The following ADK variants were observed in gnomAD, a reference collection of about 807,000 sequenced individuals.
The protein encoded by ADK is N6,N6-dimethyladenosine kinase.
Under a neutral mutation model 44.7 loss-of-function variants are expected in ADK, and 24 were observed. The ratio of observed to expected loss-of-function variants is 0.54; its 90% CI spans 0.39 to 0.76. ADK has a LOEUF of 0.76. Ranked by LOEUF, ADK falls within the 30% of genes least tolerant of loss-of-function variation. ADK has a pLI of 0.00. For missense variants in ADK, 321 were observed against 425.1 expected (o/e 0.76, Z 2.15); for synonymous variants, 128 against 142.6 (o/e 0.90, Z 0.73).
At chr10:74,353,419 C>G (rs1170088401) in intron 4 of ADK, among the ~76,000 whole-genome samples, 2 of 151,808 alleles carry the variant, frequency 1.3e-5, no homozygotes, top group Non-Finnish European at 2.9e-5. Context: ...GGGTAGGGGT[C>G]AAGGGGAGGG....
intron 10 of ADK, among the ~76,000 whole-genome samples, chr10:74,694,612 G>A (rs1856109463): frequency 6.6e-6 from 1 of 151,826 alleles, no homozygotes; most frequent in South Asian, 2.1e-4. Flanking sequence ...CTCCCGAGTA[G>A]CTAGGACTAA....
intron 5 of ADK, among the ~76,000 whole-genome samples, chr10:74,396,723 G>T (rs1049010164): frequency 3.0e-5 from 4 of 134,312 alleles, no homozygotes; most frequent in Non-Finnish European, 6.8e-5. Flanking sequence ...GGAGGCCGAG[G>T]CGGGTGGATC....
intron 6 of ADK, among the ~76,000 whole-genome samples, chr10:74,417,750 TA>T (rs796958998): frequency 0.011 from 1,525 of 141,386 alleles, 27 homozygotes; most frequent in African/African-American, 0.028. Context: ...AAATCTACTT[TA>T]AAAAAAAAAA....
intron 9 of ADK, among the ~76,000 whole-genome samples, chr10:74,650,103 G>GTAAATATTTA (rs1854205790): frequency 6.6e-6 from 1 of 152,128 alleles, no homozygotes; most frequent in African/African-American, 2.4e-5. Context: ...CTTATCAGAG[G>GTAAATATTTA]CCACTGTGGT....
chr10:74,694,700 T>G (rs1856113182), intron 10 of ADK, among the ~76,000 whole-genome samples: 1 of 152,166 alleles, frequency 6.6e-6, no homozygotes, highest in African/African-American at 2.4e-5. Context: ...AGGGTTGGTC[T>G]CAAACTCCTG....
intron 3 of ADK, among the ~76,000 whole-genome samples, chr10:74,234,953 A>G (rs534141866): frequency 2.3e-4 from 35 of 152,312 alleles, no homozygotes; most frequent in African/African-American, 8.4e-4. Context: ...AGTTTTAATA[A>G]CATATACAAA....
intron 4 of ADK, among the ~76,000 whole-genome samples, chr10:74,358,070 T>C (rs1271106308): frequency 1.3e-5 from 2 of 152,222 alleles, no homozygotes; most frequent in Non-Finnish European, 2.9e-5. Context: ...TTGATTGTCA[T>C]GCAAACTAAA....
At chr10:74,477,176 C>T (rs1589150393) in intron 6 of ADK, among the ~76,000 whole-genome samples, 1 of 152,052 alleles carries the variant, frequency 6.6e-6, no homozygotes, top group African/African-American at 2.4e-5. Flanking sequence ...AGATCTGTAA[C>T]TTCATGTAAC....
At chr10:74,508,867 T>A (rs968764053) in intron 6 of ADK, among the ~76,000 whole-genome samples, 3 of 152,232 alleles carry the variant, frequency 2.0e-5, no homozygotes, top group Non-Finnish European at 4.4e-5. Context: ...ACATAATATA[T>A]AAAAGGGTAA....
chr10:74,602,126 A>AG (rs1271417172), intron 9 of ADK, among the ~76,000 whole-genome samples: 1 of 150,800 alleles, frequency 6.6e-6, no homozygotes, highest in African/African-American at 2.4e-5. Context: ...AAAAAAAAAA[A>AG]AAAGAACGGA....
At chr10:74,440,705 T>C (rs1845375725) in intron 6 of ADK, among the ~76,000 whole-genome samples, 1 of 152,100 alleles carries the variant, frequency 6.6e-6, no homozygotes, top group South Asian at 2.1e-4. Flanking sequence ...GATTGGAAAA[T>C]TTGGAGTTTT....
intron 9 of ADK, among the ~76,000 whole-genome samples, chr10:74,605,425 C>T (rs979124788): frequency 6.6e-6 from 1 of 152,078 alleles, no homozygotes; most frequent in Non-Finnish European, 1.5e-5. Context: ...TCCATCAATA[C>T]CTAGTTTTTT....
chr10:74,241,779 AGCAGCCT>A (rs1845219024), intron 3 of ADK, among the ~76,000 whole-genome samples: 1 of 152,206 alleles, frequency 6.6e-6, no homozygotes, highest in African/African-American at 2.4e-5. Context: ...CATAGTTCAC[AGCAGCCT>A]GCAGCTCCTG....
chr10:74,513,485 A>G (rs1371357316), intron 6 of ADK, among the ~76,000 whole-genome samples: 5 of 152,324 alleles, frequency 3.3e-5, no homozygotes, highest in Middle Eastern at 3.4e-3. Context: ...ATAATTATAT[A>G]GTAGCCCTCT....
At chr10:74,566,829 G>GAT (rs1006350404) in intron 7 of ADK, among the ~76,000 whole-genome samples, 14 of 152,106 alleles carry the variant, frequency 9.2e-5, no homozygotes, top group African/African-American at 3.4e-4. Flanking sequence ...CTTTTAAAAA[G>GAT]ATACTTTACT....
intron 1 of ADK, among the ~76,000 whole-genome samples, chr10:74,171,542 T>C (rs1842159774): frequency 6.6e-6 from 1 of 152,196 alleles, no homozygotes; most frequent in Non-Finnish European, 1.5e-5. Flanking sequence ...GACCACAAGA[T>C]TAGATAAAGT....
intron 9 of ADK, among the ~76,000 whole-genome samples, chr10:74,627,723 C>A (rs1853264435): frequency 6.6e-6 from 1 of 152,086 alleles, no homozygotes; most frequent in East Asian, 1.9e-4. Flanking sequence ...ACCTCCGCCC[C>A]CTGGGTTAAA....
At chr10:74,431,827 T>A (rs2133086853) in intron 6 of ADK, among the ~76,000 whole-genome samples, 1 of 151,950 alleles carries the variant, frequency 6.6e-6, no homozygotes, top group Non-Finnish European at 1.5e-5. Flanking sequence ...ATCAATAAGA[T>A]ACATTTATCT....
At chr10:74,380,451 C>A (rs1842944284) in intron 4 of ADK, among the ~76,000 whole-genome samples, 1 of 152,028 alleles carries the variant, frequency 6.6e-6, no homozygotes, top group Non-Finnish European at 1.5e-5. Flanking sequence ...GGTTGTTTTT[C>A]TTTATCATGA....
Sources: allele counts gnomAD v4.1 joint callset (sites outside exome capture counted in the v4.1 genomes callset), GRCh38; gene constraint gnomAD v4.1.1; transcripts MANE v1.5; gene names NCBI Gene and HGNC (gene_info 2026-07-23, HGNC 2026-07-21).